Variants in RBM27 observed in about 807,000 individuals in gnomAD.
RBM27 encodes the protein RNA binding motif protein 27.
A neutral mutation model predicts 135.3 loss-of-function variants in RBM27; 22 were observed. The observed-to-expected ratio is 0.16, with a 90% CI of 0.12 to 0.23. The LOEUF (loss-of-function observed/expected upper bound fraction) is 0.23. Among genes scored for constraint, RBM27 ranks in the 10% least tolerant of loss-of-function variants. RBM27 has a pLI of 1.00. For missense variants in RBM27, 1,009 were observed against 1,281.0 expected (o/e 0.79, Z 3.24); for synonymous variants, 481 against 442.4 (o/e 1.09, Z -1.10).
chr5:146,285,883 C>A (rs1474823775), intron 20 of RBM27, 64 bp from the exon 21 acceptor site: 5 of 1,286,180 alleles, frequency 3.9e-6, no homozygotes, highest in Admixed American at 1.7e-5. Context: ...TGTCCTTTGG[C>A]CTAAAAAGTA....
chr5:146,211,360 A>G (rs1755935629), intron 1 of RBM27, among the ~76,000 whole-genome samples: 1 of 151,718 alleles, frequency 6.6e-6, no homozygotes, highest in Non-Finnish European at 1.5e-5. Flanking sequence ...GAAAGTTTTC[A>G]TTTGAAAAAA....
intron 19 of RBM27, among the ~76,000 whole-genome samples, chr5:146,278,386 A>C (rs1223146017): frequency 6.6e-6 from 1 of 152,184 alleles, no homozygotes; most frequent in Non-Finnish European, 1.5e-5. Context: ...ATGAAAAAGG[A>C]ATAAAAGTGT....
intron 7 of RBM27, among the ~76,000 whole-genome samples, chr5:146,236,440 T>C (rs1757163711): frequency 6.6e-6 from 1 of 152,192 alleles, no homozygotes; most frequent in South Asian, 2.1e-4. Context: ...CCTTCACCCA[T>C]AGAGGCAACC....
At chr5:146,230,059 G>T (rs556755239) in intron 5 of RBM27, 149 bp downstream of exon 5, 1 of 928,020 alleles carries the variant, frequency 1.1e-6, no homozygotes, top group East Asian at 2.6e-5. Context: ...TATCCATTTT[G>T]TTAGAAAACA....
intron 7 of RBM27, 85 bp downstream of exon 7, chr5:146,233,828 G>C: frequency 1.0e-6 from 1 of 955,928 alleles, no homozygotes. Flanking sequence ...CTCGTTTAAA[G>C]TGTTTGAGAA....
Position 146,261,650 on chromosome 5 carries a change from A to G in RBM27, c.2034A>G (p.Gln678=). The part of the protein sequence containing the change: ...RVLWHRENNE[Q]PTLQSSAQLL... ...TGTGGCATAGGGAAAATAATGAGCAACCGACACTACAGTCCTCAGCACAGC... is the reference window on the plus strand; with the variant it reads ...TGTGGCATAGGGAAAATAATGAGCAGCCGACACTACAGTCCTCAGCACAGC... Residue 678 remains glutamine, a synonymous_variant, in exon 13 of 21, where the codon CAA becomes CAG. Transcript: ENST00000265271. The G allele has an allele frequency of 6.2e-7, 1 of 1,614,158 alleles. No homozygotes were observed. The highest frequency in any genetic ancestry group is 1.1e-5 in the South Asian group (1 of 91,084).
chr5:146,230,062 A>G (rs1756865019), intron 5 of RBM27, 152 bp downstream of exon 5: 9 of 898,436 alleles, frequency 1.0e-5, no homozygotes, highest in Admixed American at 5.7e-5. Context: ...CCATTTTGTT[A>G]GAAAACAGGG....
At chr5:146,237,527 C>A (rs1581176791) in intron 8 of RBM27, 95 bp downstream of exon 8, 6 of 1,353,798 alleles carry the variant, frequency 4.4e-6, no homozygotes, top group Non-Finnish European at 6.2e-6. Flanking sequence ...TAAATAGTTT[C>A]TGTTCTTATG....
intron 1 of RBM27, among the ~76,000 whole-genome samples, chr5:146,208,906 CTT>C (rs1392630578): frequency 1.3e-5 from 2 of 152,034 alleles, no homozygotes; most frequent in Non-Finnish European, 2.9e-5. Flanking sequence ...TAGTGTAAAA[CTT>C]TCTCTTGGTG....
At chr5:146,256,918 G>A (rs978346141) in intron 10 of RBM27, among the ~76,000 whole-genome samples, 1 of 151,932 alleles carries the variant, frequency 6.6e-6, no homozygotes, top group Non-Finnish European at 1.5e-5. Flanking sequence ...AAAGCATTAG[G>A]CAATGTTAGC....
At chr5:146,267,849 A>AACTGAT in intron 15 of RBM27, 81 bp downstream of exon 15, 1 of 1,407,708 alleles carries the variant, frequency 7.1e-7, no homozygotes, top group Non-Finnish European at 9.8e-7. Flanking sequence ...CTTTTAAATC[A>AACTGAT]GTTCATGTTG....
At chr5:146,265,496 A>G (rs1310998275) in intron 14 of RBM27, among the ~76,000 whole-genome samples, 2 of 152,368 alleles carry the variant, frequency 1.3e-5, no homozygotes, top group East Asian at 3.9e-4. Flanking sequence ...ACTTTTGATT[A>G]CGTCTTGTTT....
At chr5:146,239,308 G>T (rs1222834919) in intron 8 of RBM27, among the ~76,000 whole-genome samples, 1 of 151,850 alleles carries the variant, frequency 6.6e-6, no homozygotes, top group Non-Finnish European at 1.5e-5. Context: ...TATGTTTTAT[G>T]TTTAACTTCC....
At chr5:146,216,280 C>G (rs1756190179) in intron 1 of RBM27, among the ~76,000 whole-genome samples, 1 of 152,134 alleles carries the variant, frequency 6.6e-6, no homozygotes, top group Non-Finnish European at 1.5e-5. Context: ...CAAGCGATTC[C>G]CCACACTTTG....
chr5:146,277,635 G>C (rs1009661634), intron 19 of RBM27, among the ~76,000 whole-genome samples: 2 of 146,854 alleles, frequency 1.4e-5, no homozygotes, highest in African/African-American at 5.1e-5. Flanking sequence ...CCATTCTCCT[G>C]CCTCAGCCAC....
intron 1 of RBM27, among the ~76,000 whole-genome samples, chr5:146,208,933 C>G (rs987460994): frequency 2.0e-5 from 3 of 152,114 alleles, no homozygotes; most frequent in African/African-American, 7.2e-5. Flanking sequence ...TTTTAAAAAG[C>G]ATGGTGGGAT....
intron 8 of RBM27, among the ~76,000 whole-genome samples, chr5:146,250,799 CAG>C (rs1327998827): frequency 1.0e-5 from 1 of 96,030 alleles, no homozygotes; most frequent in African/African-American, 4.1e-5. Context: ...TTTTTTGAGA[CAG>C]AGTCTTACTC....
In RBM27 at chr5:146,203,788, C is replaced by T. The variant is rs1438668022; in HGVS notation, c.23C>T (p.Ala8Val). The change falls in exon 1 of 21, where the codon GCC becomes GTC. Residue 8 changes from alanine (A) to valine (V), a missense_variant. Transcript: ENST00000265271. ...ACCATGCTCATAGAGGATGTGGATGCCCTCAAGTCCTGGCTGGCCAAGTTA... is the reference window on the plus strand; with the variant it reads ...ACCATGCTCATAGAGGATGTGGATGTCCTCAAGTCCTGGCTGGCCAAGTTA... MLIEDVD[A>V]LKSWLAKLLE... 5 of 1,550,944 alleles carry T rather than the reference C, an allele frequency of 3.2e-6. No homozygotes were observed. The highest frequency in any genetic ancestry group is 4.4e-6 in the Non-Finnish European group (5 of 1,146,750).
chr5:146,273,289 C>T (rs942777796), intron 19 of RBM27, among the ~76,000 whole-genome samples: 1 of 152,206 alleles, frequency 6.6e-6, no homozygotes, highest in Non-Finnish European at 1.5e-5. Flanking sequence ...ACCCAGAAGC[C>T]ATGCTCAAAT....
Sources: allele counts gnomAD v4.1 joint callset (sites outside exome capture counted in the v4.1 genomes callset), GRCh38; gene constraint gnomAD v4.1.1; transcripts MANE v1.5; gene names NCBI Gene and HGNC (gene_info 2026-07-23, HGNC 2026-07-21).